The following DAPK2 variants were observed in gnomAD, a reference collection of about 807,000 sequenced individuals.
DAPK2 encodes death-associated protein kinase 2.
A neutral mutation model predicts 44.1 loss-of-function variants in DAPK2; 35 were observed. That is an observed-to-expected ratio of 0.79 (90% CI 0.61 to 1.05). The LOEUF is 1.05. Among genes scored for constraint, DAPK2 ranks in the 50% least tolerant of loss-of-function variants. The probability of loss-of-function intolerance (pLI) is 0.00; values close to 1 mark genes in which losing one functional copy is unlikely to be tolerated. For missense variants in DAPK2, 453 were observed against 483.2 expected, an observed-to-expected ratio of 0.94 and a Z score of 0.59; for synonymous variants, 174 against 182.6, an observed-to-expected ratio of 0.95 and a Z score of 0.38.
chr15:64,022,126 T>C (rs1170258088), intron 1 of DAPK2, among the ~76,000 whole-genome samples: 3 of 152,148 alleles, frequency 2.0e-5, no homozygotes, highest in African/African-American at 2.4e-5. Context: ...ACCACAGGCA[T>C]AGAGTACAAT....
At chr15:64,012,061 T>C (rs529766883) in intron 1 of DAPK2, among the ~76,000 whole-genome samples, 5 of 152,288 alleles carry the variant, frequency 3.3e-5, no homozygotes, top group African/African-American at 1.2e-4. Flanking sequence ...CACTCTGATT[T>C]CCTCACACAG....
chr15:63,924,955 C>T, intron 7 of DAPK2, 94 bp from the exon 9 acceptor site: 1 of 1,396,770 alleles, frequency 7.2e-7, no homozygotes, highest in South Asian at 1.3e-5. Flanking sequence ...TATATTTTGG[C>T]ATTATTTGGC....
chr15:63,936,080 T>C (rs1006226778), intron 4 of DAPK2: 3 of 152,214 alleles, frequency 2.0e-5, no homozygotes, highest in Non-Finnish European at 4.4e-5. Flanking sequence ...ATTCCACTAG[T>C]GTATATATTC....
intron 1 of DAPK2, among the ~76,000 whole-genome samples, chr15:63,986,430 T>A (rs8035422): frequency 0.041 from 6,281 of 152,204 alleles, 295 homozygotes; most frequent in African/African-American, 0.12. Flanking sequence ...TGGTTTAATT[T>A]TATTTATTTT....
intron 2 of DAPK2, among the ~76,000 whole-genome samples, chr15:63,974,016 A>T (rs2078282308): frequency 6.6e-6 from 1 of 152,200 alleles, no homozygotes; most frequent in Non-Finnish European, 1.5e-5. Context: ...CCCTAACTTA[A>T]GCATAAGACC....
intron 1 of DAPK2, among the ~76,000 whole-genome samples, chr15:64,009,858 C>T (rs2079340715): frequency 6.6e-6 from 1 of 152,174 alleles, no homozygotes; most frequent in Non-Finnish European, 1.5e-5. Context: ...CACCTTACAG[C>T]AGCTCAAGAC....
In DAPK2 at chr15:63,982,501, T is replaced by C. The variant is rs529325599; in HGVS notation, c.314+1032A>G. On this transcript the variant is annotated intron_variant, in intron 2 of 10. Transcript: ENST00000261891. ...CTGCACCAGGCCAGAACATTCTTTA[T>C]ATAGTCCTTGCTGCTTGACTGGACA... 1.2e-3 allele frequency among the ~76,000 whole-genome samples: 182 copies of C among 152,258 alleles called. 2 individuals are homozygous for C. In the South Asian group the frequency reaches 0.027, roughly 23 times the overall value.
chr15:63,981,907 T>TG (rs1265059292), intron 2 of DAPK2, among the ~76,000 whole-genome samples: 1 of 152,206 alleles, frequency 6.6e-6, no homozygotes, highest in Non-Finnish European at 1.5e-5. Flanking sequence ...AGATGGATAA[T>TG]TTAAGAATCA....
chr15:63,955,064 G>A (rs2077686690), intron 3 of DAPK2, among the ~76,000 whole-genome samples: 1 of 152,194 alleles, frequency 6.6e-6, no homozygotes, highest in Non-Finnish European at 1.5e-5. Context: ...GGAGTCTTCA[G>A]GTTTTTCCAA....
intron 1 of DAPK2, among the ~76,000 whole-genome samples, chr15:63,997,182 G>A (rs2078972200): frequency 6.6e-6 from 1 of 152,112 alleles, no homozygotes; most frequent in African/African-American, 2.4e-5. Flanking sequence ...TGCCACTCCT[G>A]CCCCACTCCT....
chr15:63,962,618 C>G (rs1300624572), intron 3 of DAPK2, among the ~76,000 whole-genome samples: 1 of 152,204 alleles, frequency 6.6e-6, no homozygotes. Flanking sequence ...GAGGTCCACT[C>G]CAGACCCTGT....
At chr15:63,969,838 TG>T (rs1008417678) in intron 3 of DAPK2, among the ~76,000 whole-genome samples, 8 of 151,964 alleles carry the variant, frequency 5.3e-5, no homozygotes, top group African/African-American at 1.9e-4. Context: ...GAGTAAGAGC[TG>T]GGGTAGGGAC....
chr15:64,040,105 C>G (rs1157767079), intron 1 of DAPK2, 65 bp downstream of exon 2: 4 of 1,312,506 alleles, frequency 3.0e-6, no homozygotes, highest in Non-Finnish European at 4.4e-6. Flanking sequence ...CAACTGACAA[C>G]TGTGCCAGAA....
At chr15:63,954,425 T>G (rs987518273) in intron 3 of DAPK2, among the ~76,000 whole-genome samples, 1 of 152,222 alleles carries the variant, frequency 6.6e-6, no homozygotes, top group Non-Finnish European at 1.5e-5. Context: ...CCAGTTATGT[T>G]GTTGGCACCG....
chr15:64,020,457 C>G lies in DAPK2; in HGVS notation c.92+19713G>C, dbSNP rs2079651015. Among the ~76,000 whole-genome samples the G allele has an allele frequency of 6.6e-6, 1 of 152,172 alleles. No homozygotes were observed. The highest frequency in any genetic ancestry group is 6.5e-5 in the Admixed American group (1 of 15,274). ...CTTGCAGTAATGATTAAGGTGATAC[C>G]ATGGCATCATCAATTCTCTTGCCTC... is the stretch of plus-strand genomic sequence containing the variant. On this transcript the variant is annotated intron_variant, in intron 1 of 10. Transcript: ENST00000261891. The surrounding 1 kb of genome is among the most constrained non-coding windows in gnomAD (Gnocchi z 4.5).
chr15:63,934,776 C>G (rs2077090021), intron 4 of DAPK2, among the ~76,000 whole-genome samples: 1 of 152,102 alleles, frequency 6.6e-6, no homozygotes, highest in Admixed American at 6.5e-5. Context: ...CCAGGTTGGT[C>G]TCAAACTCCT....
intron 1 of DAPK2, among the ~76,000 whole-genome samples, chr15:64,021,089 T>C (rs1356938177): frequency 6.6e-5 from 10 of 152,320 alleles, no homozygotes; most frequent in Non-Finnish European, 8.8e-5. Context: ...AGAACATCTA[T>C]GGCAACAGAA....
chr15:64,010,282 A>G (rs780285714), intron 1 of DAPK2, among the ~76,000 whole-genome samples: 9 of 152,200 alleles, frequency 5.9e-5, no homozygotes, highest in Non-Finnish European at 1.3e-4. Context: ...ATATCCTGGT[A>G]TGCCAGAAGG....
intron 2 of DAPK2, among the ~76,000 whole-genome samples, chr15:63,978,234 GC>G (rs1356988055): frequency 1.3e-5 from 2 of 152,176 alleles, no homozygotes; most frequent in Non-Finnish European, 2.9e-5. Flanking sequence ...CATCTGCAGT[GC>G]CCCCTCTGAA....
Sources: gnomAD v4.1 joint callset for allele counts (sites outside exome capture counted in the v4.1 genomes callset) on GRCh38, gnomAD v4.1.1 for gene constraint, Gnocchi (gnomAD v3.1) non-coding constraint, MANE v1.5 for transcripts, NCBI Gene and HGNC (gene_info 2026-07-23, HGNC 2026-07-21) for gene names.